Variants in C19orf47 observed in about 807,000 individuals in gnomAD.
The protein encoded by C19orf47 is chromosome 19 open reading frame 47.
C19orf47 carries 18 observed loss-of-function variants against 32.3 expected under a neutral mutation model. That is an observed-to-expected ratio of 0.56 (90% CI 0.39 to 0.83). The LOEUF is 0.83. C19orf47 is among the 40% of genes least tolerant of loss of function. The pLI, the probability that C19orf47 is intolerant of heterozygous loss-of-function variation, is 0.00. For synonymous variants in C19orf47, 202 were observed against 211.1 expected (o/e 0.96, Z 0.37); for missense variants, 484 against 531.6 (o/e 0.91, Z 0.88).
At chr19:40,305,284 A>G in the C19orf47 span, among the ~76,000 whole-genome samples, 2 of 151,892 alleles carry the variant, frequency 1.3e-5, no homozygotes, top group African/African-American at 4.8e-5. Context: ...CAGAGGTTTC[A>G]GTGAGCTAAG....
At chr19:40,317,778 G>T (rs190271884), downstream of C19orf47, among the ~76,000 whole-genome samples, 1 of 150,132 alleles carries the variant, frequency 6.7e-6, no homozygotes, top group Non-Finnish European at 1.5e-5. Flanking sequence ...GGAGTGTAGT[G>T]GTATGATCTC....
Position 40,322,396 on chromosome 19 carries a change from G to A in C19orf47, c.664-20C>T. On this transcript the variant is annotated intron_variant, in intron 8 of 8. Transcript: ENST00000683109. ...TGTGGGCTGTGGAGGTCAGAGACAG[G>A]ATGAATGAGTCACTGAGTCACTCAA... 6.5e-7 allele frequency: 1 copy of A among 1,545,292 alleles called. No individual in the cohort carries two copies. Among genetic ancestry groups the A allele is most frequent in the Non-Finnish European group, 8.7e-7 (1 of 1,144,658 alleles).
chr19:40,340,924 G>C (rs1372683070), intron 2 of C19orf47, among the ~76,000 whole-genome samples: 2 of 149,002 alleles, frequency 1.3e-5, no homozygotes, highest in African/African-American at 5.0e-5. Context: ...GGTGCAGTGA[G>C]CTGAGATTGC....
In C19orf47 at chr19:40,321,939, C is replaced by G; in HGVS notation, c.1101G>C (p.Gln367His). 6.2e-7 allele frequency: 1 copy of G among 1,613,588 alleles called. No homozygotes were observed. ...CGCTCACAGTGCCCGCGTGGTCCAT[C>G]TGGGCACCAAGGCCCTCGCTGGAGC... is the stretch of plus-strand genomic sequence containing the variant. The part of the protein sequence containing the change: ...GSSSSEGLGA[Q>H]MDHAGTVSVF... Residue 367 changes from glutamine to histidine, a missense_variant, in exon 9 of 9, where the codon CAG (glutamine) becomes CAC (histidine). By Grantham distance (24) the Gln-to-His change is conservative. Around this residue, in one of 3 missense-constraint regions of C19orf47, gnomAD observed 51 missense variants for 74.5 expected, o/e 0.68. Coordinates refer to ENST00000683109, the MANE Select transcript of C19orf47 (RefSeq NM_001256441.2).
the C19orf47 span, among the ~76,000 whole-genome samples, chr19:40,311,308 G>A: frequency 2.6e-5 from 4 of 151,866 alleles, no homozygotes; most frequent in Admixed American, 2.0e-4. Context: ...GAACCCGGGA[G>A]GCACAGGTTG....
At chr19:40,324,239 C>G in intron 7 of C19orf47, 163 bp from the exon 8 acceptor site, 1 of 667,604 alleles carries the variant, frequency 1.5e-6, no homozygotes, top group Non-Finnish European at 2.6e-6. Flanking sequence ...TCACACTGAC[C>G]CTAACCCACC....
chr19:40,343,154 C>T (rs1304773964), intron 1 of C19orf47, among the ~76,000 whole-genome samples: 1 of 152,150 alleles, frequency 6.6e-6, no homozygotes. Flanking sequence ...TCTTCCCTGA[C>T]CCGGCTCCTC....
rs370142115 is a variant in C19orf47 at position 40,336,720 on chromosome 19, C to G, written c.20-313G>C. On this transcript the variant is annotated intron_variant, in intron 2 of 8. Transcript: ENST00000683109. ...AGCCTTTCTCCTTACAGCTCCACCC[C>G]GCCCCAGTGCTTGCTCTCTGCATCA... Among the ~76,000 whole-genome samples the G allele has an allele frequency of 5.3e-5, 8 of 152,286 alleles. No homozygotes were observed. The South Asian group carries it at 8.3e-4, about 16-fold the overall frequency.
intron 8 of C19orf47, among the ~76,000 whole-genome samples, chr19:40,323,123 TC>T (rs1348493958): frequency 6.6e-6 from 1 of 152,180 alleles, no homozygotes; most frequent in African/African-American, 2.4e-5. Flanking sequence ...GGCTGGAACT[TC>T]CAGCCACATG....
chr19:40,305,775 T>A, the C19orf47 span, among the ~76,000 whole-genome samples: 2 of 152,210 alleles, frequency 1.3e-5, no homozygotes, highest in African/African-American at 4.8e-5. Context: ...TTGATGAAAT[T>A]GGAACATGAA....
At chr19:40,326,588 T>A in intron 6 of C19orf47, 102 bp from the exon 7 acceptor site, 1 of 1,381,776 alleles carries the variant, frequency 7.2e-7, no homozygotes, top group East Asian at 2.5e-5. Flanking sequence ...CATTCATGAC[T>A]GGAATCCCTT....
rs1052856113 is a variant in C19orf47, at chr19:40,321,791, A to G, written c.*91T>C. On this transcript the variant is annotated 3_prime_UTR_variant, in exon 9 of 9. Coordinates refer to ENST00000683109, the MANE Select transcript of C19orf47 (RefSeq NM_001256441.2). ...AGGGAGACAAGCTGTGTCATCCAGGAGCTGGTGGGAGGCGTGATGAAGCCA... is the reference window on the plus strand; with the variant it reads ...AGGGAGACAAGCTGTGTCATCCAGGGGCTGGTGGGAGGCGTGATGAAGCCA... The G allele has an allele frequency of 2.4e-5, 35 of 1,444,082 alleles. No homozygotes were observed. Among genetic ancestry groups the G allele is most frequent in the African/African-American group, 5.7e-5 (4 of 69,636 alleles). The allele number at this position is 1,444,082 out of a possible 1,614,324, so 89.5% of individuals were successfully genotyped here. A position where few individuals can be genotyped will look rare whatever the true frequency, so the allele number is the denominator to read the frequency against.
At chr19:40,294,160 C>G in the C19orf47 span, among the ~76,000 whole-genome samples, 5 of 152,012 alleles carry the variant, frequency 3.3e-5, no homozygotes, top group Non-Finnish European at 4.4e-5. Flanking sequence ...TCACTCCCTT[C>G]GAGTTTCTGG....
rs2078373000 is a variant in C19orf47, at chr19:40,348,333, C to G, written c.-43G>C. 7 of 1,360,566 alleles carry G rather than the reference C, an allele frequency of 5.1e-6. No individual in the cohort carries two copies. The East Asian group carries it at 1.3e-4, about 24-fold the overall frequency. The allele number at this position is 1,360,566 out of a possible 1,614,324, so 84.3% of individuals were successfully genotyped here. The stretch of plus-strand genomic sequence containing the variant: ...CCGGCCCGCGCCTCACCTGGCCCAC[C>G]GGGCCCGCGCCCACTCGCGCCGCCC... On this transcript the variant is annotated 5_prime_UTR_variant, in exon 1 of 9. Transcript: ENST00000683109.
intron 2 of C19orf47, chr19:40,339,262 TA>T (rs1214896750): frequency 6.6e-6 from 1 of 152,518 alleles, no homozygotes; most frequent in African/African-American, 2.4e-5. Flanking sequence ...CATGTATTGC[TA>T]AGGAAGGAAA....
intron 5 of C19orf47, among the ~76,000 whole-genome samples, chr19:40,331,672 A>G (rs752962359): frequency 6.6e-6 from 1 of 152,078 alleles, no homozygotes; most frequent in African/African-American, 2.4e-5. Context: ...GTTTTAAAGC[A>G]CAGTTTTGGG....
downstream of C19orf47, among the ~76,000 whole-genome samples, chr19:40,315,671 T>A (rs4802072): frequency 6.6e-6 from 1 of 151,282 alleles, no homozygotes. Flanking sequence ...TCCCAGCCAC[T>A]CAGGAGGCTG....
At chr19:40,331,674 AGT>A (rs1282327643) in intron 5 of C19orf47, among the ~76,000 whole-genome samples, 6 of 152,074 alleles carry the variant, frequency 3.9e-5, no homozygotes, top group Non-Finnish European at 5.9e-5. Flanking sequence ...TTTAAAGCAC[AGT>A]TTTGGGCGGC....
chr19:40,324,070 T>C lies in C19orf47; in HGVS notation c.599A>G (p.His200Arg), dbSNP rs1179320364. 3 of 1,614,068 alleles carry C rather than the reference T, an allele frequency of 1.9e-6. No individual in the cohort carries two copies. The highest frequency in any genetic ancestry group is 1.1e-5 in the South Asian group (1 of 91,092). The change falls in exon 8 of 9, where the codon CAT (histidine) becomes CGT (arginine). Residue 200 changes from histidine to arginine, a missense_variant. His to Arg is a conservative substitution (Grantham distance 29). Transcript: ENST00000683109. ...GAGGCGGTCAAACACAGACGTCCTA[T>C]GGAGACCTGGGAGGGAAGTGAAGCC... ...LEQQQAAKGL[H>R]RTSVFDRLGA... is the part of the protein sequence containing the mutation.
Sources: allele counts gnomAD v4.1 joint callset (sites outside exome capture counted in the v4.1 genomes callset), GRCh38; gene constraint gnomAD v4.1.1; regional missense constraint gnomAD v4.1.1; transcripts MANE v1.5; gene names NCBI Gene and HGNC (gene_info 2026-07-23, HGNC 2026-07-21).